PTPRK: variants seen among roughly 807,000 people sequenced by gnomAD.
PTPRK encodes the protein receptor-type tyrosine-protein phosphatase kappa.
Under a neutral mutation model 178.0 loss-of-function variants are expected in PTPRK, and 75 were observed. That is an observed-to-expected ratio of 0.42 (90% CI 0.35 to 0.51). PTPRK has a LOEUF of 0.51. PTPRK is among the 20% of genes least tolerant of loss of function. The pLI, the probability that PTPRK is intolerant of heterozygous loss-of-function variation, is 0.02. For missense variants in PTPRK, 1,441 were observed against 1,797.8 expected (o/e 0.80, Z 3.59); for synonymous variants, 637 against 620.6 (o/e 1.03, Z -0.39).
At chr6:128,475,370 A>AT in intron 1 of PTPRK, among the ~76,000 whole-genome samples, 1 of 152,206 alleles carries the variant, frequency 6.6e-6, no homozygotes, top group Non-Finnish European at 1.5e-5. Context: ...CCATGATTAG[A>AT]TTTTTATTTC....
intron 1 of PTPRK, among the ~76,000 whole-genome samples, chr6:128,503,290 C>T (rs1218452893): frequency 2.0e-5 from 3 of 152,144 alleles, no homozygotes; most frequent in East Asian, 1.9e-4. Context: ...TTACCACCAT[C>T]GCTATTACTT....
intron 1 of PTPRK, among the ~76,000 whole-genome samples, chr6:128,423,109 T>G (rs1051786875): frequency 2.6e-5 from 4 of 152,210 alleles, no homozygotes; most frequent in Non-Finnish European, 5.9e-5. Flanking sequence ...GGAAAACTAT[T>G]TTCAGAGTCT....
chr6:128,208,298 C>CAAAAAAA (rs3058186), intron 6 of PTPRK, among the ~76,000 whole-genome samples: 6 of 105,046 alleles, frequency 5.7e-5, no homozygotes, highest in African/African-American at 1.7e-4. Context: ...CCTACACCCT[C>CAAAAAAA]AAAAAAAAAA....
chr6:128,289,790 T>A (rs11965122), intron 3 of PTPRK, among the ~76,000 whole-genome samples: 3 of 152,028 alleles, frequency 2.0e-5, no homozygotes, highest in African/African-American at 7.3e-5. Context: ...TTAAACATGA[T>A]GCAAATTGTT....
chr6:128,115,153 A>G (rs1459689589), intron 7 of PTPRK, among the ~76,000 whole-genome samples: 2 of 152,216 alleles, frequency 1.3e-5, no homozygotes, highest in Non-Finnish European at 2.9e-5. Context: ...TGCACCCAGC[A>G]CCATACCCCA....
At chr6:128,160,300 A>C (rs943100061) in intron 7 of PTPRK, among the ~76,000 whole-genome samples, 3 of 151,836 alleles carry the variant, frequency 2.0e-5, no homozygotes, top group African/African-American at 7.2e-5. Flanking sequence ...CACATACATA[A>C]ACAGATACAC....
chr6:128,191,453 G>C (rs1803770486), intron 6 of PTPRK, among the ~76,000 whole-genome samples: 1 of 151,996 alleles, frequency 6.6e-6, no homozygotes, highest in Admixed American at 6.6e-5. Flanking sequence ...GATGTTCAAA[G>C]TGTACAGAAT....
intron 7 of PTPRK, among the ~76,000 whole-genome samples, chr6:128,100,195 T>C (rs1447643096): frequency 2.6e-5 from 4 of 152,006 alleles, no homozygotes; most frequent in African/African-American, 9.7e-5. Context: ...GATTAATTGC[T>C]TCAGCTCATT....
At chr6:128,285,681 T>G (rs1258758541) in intron 3 of PTPRK, among the ~76,000 whole-genome samples, 1 of 151,988 alleles carries the variant, frequency 6.6e-6, no homozygotes, top group Non-Finnish European at 1.5e-5. Context: ...GGCGTGTGCC[T>G]GCCGTCCCAG....
intron 2 of PTPRK, among the ~76,000 whole-genome samples, chr6:128,323,230 A>C (rs1038645788): frequency 1.3e-5 from 2 of 152,156 alleles, no homozygotes; most frequent in South Asian, 4.1e-4. Flanking sequence ...CAAAAATGAG[A>C]CTTGAACAAC....
At chr6:128,137,960 T>G (rs1795246008) in intron 7 of PTPRK, among the ~76,000 whole-genome samples, 1 of 152,154 alleles carries the variant, frequency 6.6e-6, no homozygotes. Flanking sequence ...GTATTTTTCT[T>G]GCCCATTTGA....
intron 1 of PTPRK, among the ~76,000 whole-genome samples, chr6:128,506,506 A>T (rs1367712715): frequency 6.6e-6 from 1 of 151,990 alleles, no homozygotes; most frequent in Non-Finnish European, 1.5e-5. Context: ...AAAAATTTTT[A>T]AAAATTAGCC....
intron 7 of PTPRK, among the ~76,000 whole-genome samples, chr6:128,184,176 C>T (rs1194720965): frequency 6.6e-6 from 1 of 152,030 alleles, no homozygotes; most frequent in Non-Finnish European, 1.5e-5. Context: ...ATGTAGCAGG[C>T]TCACCAAAAC....
chr6:128,093,038 T>C (rs566513046), intron 7 of PTPRK, among the ~76,000 whole-genome samples: 2 of 152,268 alleles, frequency 1.3e-5, no homozygotes, highest in South Asian at 4.1e-4. Flanking sequence ...TAGTAAATCG[T>C]ATTTATAACA....
At chr6:128,293,516 A>C (rs1823758549) in intron 3 of PTPRK, among the ~76,000 whole-genome samples, 1 of 152,104 alleles carries the variant, frequency 6.6e-6, no homozygotes, top group Admixed American at 6.6e-5. Flanking sequence ...TTCAAACCAT[A>C]GCAATAGTGA....
At chr6:128,357,593 G>A (rs536630768) in intron 2 of PTPRK, among the ~76,000 whole-genome samples, 16 of 152,278 alleles carry the variant, frequency 1.1e-4, no homozygotes, top group Admixed American at 2.6e-4. Context: ...CACTGTACAC[G>A]CTGTTCCCAG....
chr6:128,420,091 CA>C (rs1413726966), intron 1 of PTPRK, among the ~76,000 whole-genome samples: 1 of 152,122 alleles, frequency 6.6e-6, no homozygotes, highest in African/African-American at 2.4e-5. Flanking sequence ...ACTACATTTC[CA>C]AACTTTTTTC....
intron 13 of PTPRK, among the ~76,000 whole-genome samples, chr6:128,028,342 T>G (rs1774681823): frequency 6.6e-6 from 1 of 152,216 alleles, no homozygotes; most frequent in Non-Finnish European, 1.5e-5. Context: ...GTTACCACAC[T>G]GTTTTAATTT....
At position 128,460,753 on chromosome 6, in the gene PTPRK, C is replaced by A. The variant is rs545318317; in HGVS notation, c.100+59506G>T. 6.6e-5 allele frequency among the ~76,000 whole-genome samples: 10 copies of A among 152,288 alleles called. No individual in the cohort carries two copies. In the East Asian group the frequency reaches 1.9e-3, roughly 29 times the overall value. ...GTGTAGCTGATGGAGCAGATGAAAG[C>A]AAAATGCTTCTCCCCATTTTAAGAC... On this transcript the variant is annotated intron_variant, in intron 1 of 29. Transcript: ENST00000368226.
Sources: allele counts gnomAD v4.1 joint callset (sites outside exome capture counted in the v4.1 genomes callset), GRCh38; gene constraint gnomAD v4.1.1; transcripts MANE v1.5; gene names NCBI Gene and HGNC (gene_info 2026-07-23, HGNC 2026-07-21).